Variants in SMC4 observed in about 807,000 individuals in gnomAD.
SMC4 encodes structural maintenance of chromosomes 4.
Under a neutral mutation model 145.6 loss-of-function variants are expected in SMC4, and 87 were observed. The ratio of observed to expected loss-of-function variants is 0.60; its 90% CI spans 0.50 to 0.71. SMC4 has a LOEUF of 0.71. Among genes scored for constraint, SMC4 ranks in the 30% least tolerant of loss-of-function variants. The pLI, the probability that SMC4 is intolerant of heterozygous loss-of-function variation, is 0.00. For missense variants in SMC4, 1,447 were observed against 1,537.1 expected (o/e 0.94, Z 0.98); for synonymous variants, 558 against 500.7 (o/e 1.11, Z -1.53).
Position 160,432,267 on chromosome 3 carries a change from CATA to C in SMC4, c.3298-13_3298-11del, listed in dbSNP as rs1718492535. ...ATTTATCTGAATAGATTTTCCCTAT[CATA>C]ATCTTTTCACAGGAAGAATTGTATT... On this transcript the variant is annotated splice_polypyrimidine_tract_variant and intron_variant, in intron 21 of 23. Transcript: ENST00000357388. The C allele has an allele frequency of 6.7e-7, 1 of 1,501,674 alleles. No homozygotes were observed. Among genetic ancestry groups the C allele is most frequent in the Admixed American group, 1.9e-5 (1 of 53,506 alleles). The allele number at this position is 1,501,674 out of a possible 1,614,324, so 93.0% of individuals were successfully genotyped here.
chr3:160,431,968 A>T (rs1337556442), intron 21 of SMC4, 143 bp downstream of exon 21: 1 of 829,926 alleles, frequency 1.2e-6, no homozygotes, highest in African/African-American at 1.7e-5. Context: ...TTGGGAGGCC[A>T]AAGGCGGGTG....
chr3:160,401,261 T>G (rs897233835), intron 2 of SMC4, among the ~76,000 whole-genome samples: 2 of 152,082 alleles, frequency 1.3e-5, no homozygotes, highest in East Asian at 1.9e-4. Flanking sequence ...CTTTATTGTA[T>G]TCCCGCTAAA....
At chr3:160,425,438 CATGTA>C (rs1429386096) in intron 16 of SMC4, among the ~76,000 whole-genome samples, 3 of 151,960 alleles carry the variant, frequency 2.0e-5, no homozygotes, top group Admixed American at 2.0e-4. Flanking sequence ...ACCTAGTTTG[CATGTA>C]ATGTATTTAT....
At position 160,426,872 on chromosome 3, in the gene SMC4, G is replaced by A. The variant is rs1717849158; in HGVS notation, c.2605+672G>A. On this transcript the variant is annotated intron_variant, in intron 17 of 23. Transcript: ENST00000357388. ...TTCCAGGTTTACAGAATCTTAGCTA[G>A]TGACTCCAGCAAACACAGCAAGGTT... 2.0e-5 allele frequency among the ~76,000 whole-genome samples: 3 copies of A among 152,156 alleles called. 1 individual carries two copies. In the South Asian group the frequency reaches 6.2e-4, roughly 31 times the overall value.
At chr3:160,422,883 C>T (rs1325236954) in intron 13 of SMC4, among the ~76,000 whole-genome samples, 1 of 152,102 alleles carries the variant, frequency 6.6e-6, no homozygotes, top group Non-Finnish European at 1.5e-5. Context: ...CCAGTTATTC[C>T]AACACCATTT....
At chr3:160,400,998 G>A in intron 2 of SMC4, 33 bp downstream of exon 2, 1 of 1,373,736 alleles carries the variant, frequency 7.3e-7, no homozygotes. Flanking sequence ...GCGGGAACGC[G>A]CGCTGTGGGA....
At position 160,413,495 on chromosome 3, in the gene SMC4, G is replaced by A; in HGVS notation, c.1003G>A (p.Ala335Thr). Residue 335 changes from alanine to threonine, a missense_variant, in exon 8 of 24, where the codon GCT becomes ACT. Ala to Thr is a moderately conservative substitution (Grantham distance 58). Coordinates refer to ENST00000357388, the MANE Select transcript of SMC4 (RefSeq NM_001002800.3). ...YYIYELQKRI[A>T]EMETQKEKIH... ...TAGTTATGAGTTGCAGAAACGAATT[G>A]CTGAAATGGAAACTCAAAAGGAAAA... 1.9e-6 allele frequency: 3 copies of A among 1,575,216 alleles called. No homozygotes were observed. The highest frequency in any genetic ancestry group is 1.2e-5 in the South Asian group (1 of 84,338).
chr3:160,432,210 G>A (rs1718486035), intron 21 of SMC4, 73 bp from the exon 22 acceptor site: 2 of 1,188,640 alleles, frequency 1.7e-6, no homozygotes, highest in Non-Finnish European at 2.4e-6. Context: ...TCAAAACAAA[G>A]TAATAATTAA....
chr3:160,429,606 C>G (rs922212286), intron 18 of SMC4, among the ~76,000 whole-genome samples: 2 of 151,720 alleles, frequency 1.3e-5, no homozygotes, highest in East Asian at 1.9e-4. Context: ...CTTGGCCTCC[C>G]AAAAGACTGA....
At chr3:160,421,377 G>C (rs1033603812) in intron 13 of SMC4, among the ~76,000 whole-genome samples, 2 of 152,142 alleles carry the variant, frequency 1.3e-5, no homozygotes, top group Non-Finnish European at 2.9e-5. Context: ...GACATTTGCA[G>C]TGCCTCCACT....
chr3:160,414,617 A>G, intron 9 of SMC4, 100 bp downstream of exon 9: 2 of 1,128,720 alleles, frequency 1.8e-6, no homozygotes, highest in Admixed American at 4.7e-5. Flanking sequence ...ATGAATTAGT[A>G]TTCTAAATGT....
In SMC4 at chr3:160,432,475, G is replaced by T; in HGVS notation, c.3490G>T (p.Val1164Leu). The T allele has an allele frequency of 6.2e-7, 1 of 1,612,138 alleles. No individual in the cohort carries two copies. Among genetic ancestry groups the T allele is most frequent in the Non-Finnish European group, 8.5e-7 (1 of 1,179,158 alleles). ...GGGAGGGGACGCCGAACTCGAGCTTGTAGACAGCTTGGATCCTTTCTCTGA... is the reference window on the plus strand; with the variant it reads ...GGGAGGGGACGCCGAACTCGAGCTTTTAGACAGCTTGGATCCTTTCTCTGA... The part of the protein sequence containing the change: ...TLGGDAELEL[V>L]DSLDPFSEGI... Residue 1164 changes from valine to leucine, a missense_variant, in exon 22 of 24, where the codon GTA (valine) becomes TTA (leucine). Transcript: ENST00000357388.
chr3:160,412,343 G>T lies in SMC4; in HGVS notation c.870G>T (p.Met290Ile). The change falls in exon 7 of 24, where the codon ATG becomes ATT. Residue 290 changes from methionine (M) to isoleucine (I), a missense_variant. By Grantham distance (10) the Met-to-Ile change is conservative. Coordinates refer to ENST00000357388, the MANE Select transcript of SMC4 (RefSeq NM_001002800.3). ...HRGEKLNRVK[M>I]VEKEKDALEG... Reference sequence around the variant, plus strand: ...TTCTGTAGTTAAACAGGGTAAAGATGGTGGAAAAGGAAAAGGATGCCTTAG... The same window carrying T: ...TTCTGTAGTTAAACAGGGTAAAGATTGTGGAAAAGGAAAAGGATGCCTTAG... 1 of 1,597,298 alleles carries T rather than the reference G, an allele frequency of 6.3e-7. No individual in the cohort carries two copies. Among genetic ancestry groups the T allele is most frequent in the Non-Finnish European group, 8.6e-7 (1 of 1,165,582 alleles).
chr3:160,417,312 C>G (rs1043079294), intron 10 of SMC4, among the ~76,000 whole-genome samples: 9 of 152,138 alleles, frequency 5.9e-5, no homozygotes, highest in Non-Finnish European at 1.3e-4. Flanking sequence ...TAAAACTTTA[C>G]AGGTTAGAAT....
chr3:160,401,612 G>T (rs1196579185), intron 2 of SMC4, among the ~76,000 whole-genome samples: 1 of 152,180 alleles, frequency 6.6e-6, no homozygotes, highest in Non-Finnish European at 1.5e-5. Context: ...GGTTTTCCCA[G>T]ATTTGCTCTA....
chr3:160,402,888 T>C (rs771602246), intron 4 of SMC4, 21 bp downstream of exon 4: 11 of 1,509,184 alleles, frequency 7.3e-6, no homozygotes, highest in Middle Eastern at 2.4e-4. Context: ...TTTACTGTTA[T>C]TGGCAAGTTC....
intron 13 of SMC4, among the ~76,000 whole-genome samples, chr3:160,422,798 G>A (rs1346905801): frequency 6.6e-6 from 1 of 152,000 alleles, no homozygotes; most frequent in Non-Finnish European, 1.5e-5. Flanking sequence ...TTTATATTTA[G>A]GTTTTAATCT....
chr3:160,412,583 T>C (rs1716129909), intron 7 of SMC4, 130 bp downstream of exon 7: 1 of 1,345,858 alleles, frequency 7.4e-7, no homozygotes, highest in Non-Finnish European at 9.6e-7. Context: ...TTTGTGTGAC[T>C]GAATGTGTTA....
chr3:160,421,104 G>A (rs1717126715), intron 13 of SMC4, among the ~76,000 whole-genome samples: 1 of 151,716 alleles, frequency 6.6e-6, no homozygotes, highest in African/African-American at 2.4e-5. Context: ...TAATTTTTTT[G>A]TATTTTCAGT....
Sources: allele counts gnomAD v4.1 joint callset (sites outside exome capture counted in the v4.1 genomes callset), GRCh38; gene constraint gnomAD v4.1.1; transcripts MANE v1.5; gene names NCBI Gene and HGNC (gene_info 2026-07-23, HGNC 2026-07-21).